SMPX: variants seen among roughly 807,000 people sequenced by gnomAD.
SMPX encodes small muscular protein.
A neutral mutation model predicts 6.3 loss-of-function variants in SMPX; 2 were observed. The observed-to-expected ratio is 0.32, with a 90% confidence interval of 0.13 to 0.99. The LOEUF is 0.99. SMPX is among the 50% of genes least tolerant of loss of function. SMPX has a pLI of 0.49. For synonymous variants in SMPX, 32 were observed against 24.7 expected (o/e 1.30, Z -0.88); for missense variants, 60 against 66.8 (o/e 0.90, Z 0.36).
chrX:21,740,067 A>G (rs973313885), intron 3 of SMPX, among the ~76,000 whole-genome samples: 1 of 112,160 alleles, frequency 8.9e-6, no homozygotes, highest in Admixed American at 9.5e-5. Flanking sequence ...AAAGTCACAT[A>G]TAATGGGAAA....
intron 1 of SMPX, among the ~76,000 whole-genome samples, chrX:21,754,774 C>T (rs995899110): frequency 1.1e-4 from 12 of 111,976 alleles, no homozygotes; most frequent in Non-Finnish European, 1.5e-4. Flanking sequence ...AAAGAAATGG[C>T]CTGTACCACT....
At chrX:21,747,231 C>A (rs2092822531) in intron 2 of SMPX, among the ~76,000 whole-genome samples, 1 of 110,850 alleles carries the variant, frequency 9.0e-6, no homozygotes, top group African/African-American at 3.3e-5. Context: ...TAATGCAATC[C>A]TTTGTATTTC....
chrX:21,723,853 G>T (rs751620591), intron 4 of SMPX, among the ~76,000 whole-genome samples: 1 of 112,180 alleles, frequency 8.9e-6, no homozygotes, highest in Non-Finnish European at 1.9e-5. Flanking sequence ...ATGGCATTGG[G>T]GGTGGTGATG....
chrX:21,734,309 A>G (rs2092808176), intron 4 of SMPX, among the ~76,000 whole-genome samples: 1 of 111,765 alleles, frequency 8.9e-6, no homozygotes, highest in African/African-American at 3.3e-5. Context: ...ACCAGCCCAG[A>G]GCGGTTCTGC....
intron 4 of SMPX, among the ~76,000 whole-genome samples, chrX:21,714,453 G>T (rs1435591595): frequency 8.9e-6 from 1 of 111,736 alleles, no homozygotes; most frequent in Non-Finnish European, 1.9e-5. Flanking sequence ...TGGACATTTA[G>T]GTTCTTAATC....
chrX:21,756,336 T>G (rs2147397846), intron 1 of SMPX, among the ~76,000 whole-genome samples: 1 of 112,582 alleles, frequency 8.9e-6, no homozygotes, highest in South Asian at 3.7e-4. Context: ...TTCAATGGAC[T>G]GATTTAACTT....
At chrX:21,743,694 T>G in intron 3 of SMPX, 56 bp downstream of exon 3, 1 of 1,037,507 alleles carries the variant, frequency 9.6e-7, no homozygotes, top group Non-Finnish European at 1.4e-6. Flanking sequence ...CCCCCTCTGG[T>G]GAGGATTTTA....
intron 2 of SMPX, among the ~76,000 whole-genome samples, chrX:21,750,275 A>C (rs1043309322): frequency 2.5e-4 from 28 of 111,988 alleles, no homozygotes; most frequent in African/African-American, 8.4e-4. Context: ...TGTTACCTTC[A>C]TTGCAGCTCA....
At chrX:21,737,769 C>A in intron 3 of SMPX, 72 bp from the exon 4 acceptor site, 2 of 1,051,577 alleles carry the variant, frequency 1.9e-6, no homozygotes, top group Admixed American at 2.3e-5. Context: ...AAGCATGAAC[C>A]AGAAAAAAAA....
At chrX:21,715,513 G>C (rs960771214) in intron 4 of SMPX, among the ~76,000 whole-genome samples, 9 of 111,169 alleles carry the variant, frequency 8.1e-5, no homozygotes, top group African/African-American at 1.6e-4. Flanking sequence ...ACAAGATTGA[G>C]AACCACAGCC....
At chrX:21,753,653 C>A (rs2147396151) in intron 2 of SMPX, among the ~76,000 whole-genome samples, 1 of 112,155 alleles carries the variant, frequency 8.9e-6, no homozygotes, top group South Asian at 3.7e-4. Flanking sequence ...ACAAATACTG[C>A]AAGTTATTTT....
chrX:21,755,898 T>C (rs1396055545), intron 1 of SMPX, among the ~76,000 whole-genome samples: 1 of 112,147 alleles, frequency 8.9e-6, no homozygotes, highest in African/African-American at 3.2e-5. Context: ...TAAAAAGCAA[T>C]AACAAATGGA....
At chrX:21,747,331 A>G (rs771979701) in intron 2 of SMPX, among the ~76,000 whole-genome samples, 5 of 111,340 alleles carry the variant, frequency 4.5e-5, no homozygotes, top group South Asian at 7.6e-4. Flanking sequence ...TAAGCTATAT[A>G]TAATTTGTTA....
chrX:21,729,078 G>A (rs763590980), intron 4 of SMPX, among the ~76,000 whole-genome samples: 1 of 112,271 alleles, frequency 8.9e-6, no homozygotes, highest in African/African-American at 3.2e-5. Context: ...AAATAGTTGG[G>A]TTTGAGGCAA....
chrX:21,737,774 A>T, intron 3 of SMPX, 77 bp from the exon 4 acceptor site: 1 of 1,009,048 alleles, frequency 9.9e-7, no homozygotes, highest in Non-Finnish European at 1.4e-6. Context: ...TGAACCAGAA[A>T]AAAAAATTAA....
In SMPX at chrX:21,743,843, G is replaced by T; in HGVS notation, c.46-7C>A. ...TTGGAATATTGATATTTGCCTAAAA[G>T]AGAAAACAGGGTAGGTTTAGCTCAA... On this transcript the variant is annotated splice_polypyrimidine_tract_variant and splice_region_variant and intron_variant, in intron 2 of 4. Transcript: ENST00000379494. The T allele has an allele frequency of 8.6e-7, 1 of 1,169,359 alleles. No homozygotes were observed. The highest frequency in any genetic ancestry group is 2.2e-5 in the Admixed American group (1 of 45,935).
At chrX:21,717,867 AG>A (rs2092786997) in intron 4 of SMPX, among the ~76,000 whole-genome samples, 1 of 112,399 alleles carries the variant, frequency 8.9e-6, no homozygotes, top group African/African-American at 3.2e-5. Context: ...GAGGGAACAA[AG>A]ATCAAAAAAT....
chrX:21,723,964 A>G (rs1457574601), intron 4 of SMPX, among the ~76,000 whole-genome samples: 1 of 111,739 alleles, frequency 8.9e-6, no homozygotes, highest in Non-Finnish European at 1.9e-5. Flanking sequence ...TCCTCTTCCT[A>G]TGTGCTGGGA....
intron 4 of SMPX, among the ~76,000 whole-genome samples, chrX:21,721,474 A>G (rs2092791651): frequency 8.9e-6 from 1 of 112,546 alleles, no homozygotes; most frequent in Non-Finnish European, 1.9e-5. Context: ...GCAACATTCA[A>G]CCAAAGAAAT....
Sources: allele counts gnomAD v4.1 joint callset (sites outside exome capture counted in the v4.1 genomes callset), GRCh38; gene constraint gnomAD v4.1.1; transcripts MANE v1.5; gene names NCBI Gene and HGNC (gene_info 2026-07-23, HGNC 2026-07-21).